The following PID1 variants were observed in gnomAD, a reference collection of about 807,000 sequenced individuals.
The protein encoded by PID1 is phosphotyrosine interaction domain containing 1, also known as PTB-containing, cubilin and LRP1-interacting protein.
Under a neutral mutation model 19.1 loss-of-function variants are expected in PID1, and 10 were observed. The observed-to-expected ratio is 0.52, with a 90% CI of 0.32 to 0.89. The LOEUF (loss-of-function observed/expected upper bound fraction) is 0.89, where lower values mean the gene tolerates loss of function less well. Ranked by LOEUF, PID1 falls within the 40% of genes least tolerant of loss-of-function variation. The pLI is 0.03. For missense variants in PID1, 248 were observed against 285.3 expected, an observed-to-expected ratio of 0.87 and a Z score of 0.94; for synonymous variants, 130 against 116.0, an observed-to-expected ratio of 1.12 and a Z score of -0.78.
At position 229,139,039 on chromosome 2, in the gene PID1, GAGAA is replaced by G. The variant is rs1158968559; in HGVS notation, c.177+16775_177+16778del. ...AGAAAGAAAGAAAGAAAGAAAGAAA[GAGAA>G]AGAAAGAAAGAAAGAGAAAGAAAGA... is the stretch of plus-strand genomic sequence containing the variant. On this transcript the variant is annotated intron_variant, in intron 2 of 2. Coordinates refer to ENST00000392055, the MANE Select transcript of PID1 (RefSeq NM_001100818.2). Among the ~76,000 whole-genome samples the G allele has an allele frequency of 6.9e-3, 332 of 48,328 alleles. 12 individuals carry two copies. The highest frequency in any genetic ancestry group is 0.011 in the Middle Eastern group (1 of 90). 31.7% of individuals were successfully genotyped at this position (48,328 alleles called of 152,430 possible). A position where few individuals can be genotyped will look rare whatever the true frequency, so the allele number is the denominator to read the frequency against.
intron 2 of PID1, among the ~76,000 whole-genome samples, chr2:229,145,182 T>TAG (rs1690103979): frequency 6.9e-6 from 1 of 144,968 alleles, no homozygotes; most frequent in Non-Finnish European, 1.5e-5. Context: ...TATATATATA[T>TAG]ATATATAAAC....
rs138208366 is a variant in PID1, at chr2:229,166,876, C to T, written c.31-10912G>A. 8.5e-4 allele frequency among the ~76,000 whole-genome samples: 129 copies of T among 151,098 alleles called. 2 individuals carry two copies. In the East Asian group the frequency reaches 0.022, roughly 26 times the overall value. Reference sequence around the variant, plus strand: ...AGCTCTCAACTTGGCCAACATTAGACAATTTCAGTAACAATAAATAATGGT... The same window carrying T: ...AGCTCTCAACTTGGCCAACATTAGATAATTTCAGTAACAATAAATAATGGT... On this transcript the variant is annotated intron_variant, in intron 1 of 2. Coordinates refer to ENST00000392055, the MANE Select transcript of PID1 (RefSeq NM_001100818.2).
intron 1 of PID1, among the ~76,000 whole-genome samples, chr2:229,221,772 A>C (rs1691974671): frequency 6.6e-6 from 1 of 152,206 alleles, no homozygotes; most frequent in Non-Finnish European, 1.5e-5. Context: ...CCTGACTCCC[A>C]GTAAACTCAA....
At chr2:229,073,601 C>A (rs765882383) in intron 2 of PID1, among the ~76,000 whole-genome samples, 1 of 152,118 alleles carries the variant, frequency 6.6e-6, no homozygotes, top group Non-Finnish European at 1.5e-5. Flanking sequence ...CCTAGTCTAA[C>A]TTGTAAATAT....
At chr2:229,215,837 C>A (rs1691835000) in intron 1 of PID1, among the ~76,000 whole-genome samples, 1 of 152,200 alleles carries the variant, frequency 6.6e-6, no homozygotes, top group Non-Finnish European at 1.5e-5. Flanking sequence ...TACCAACCAA[C>A]CTGTTCAAAT....
At chr2:229,205,243 CAT>C (rs1691584666) in intron 1 of PID1, among the ~76,000 whole-genome samples, 3 of 138,694 alleles carry the variant, frequency 2.2e-5, no homozygotes, top group African/African-American at 7.6e-5. Context: ...ATACATACTA[CAT>C]ACACACACAT....
intron 2 of PID1, among the ~76,000 whole-genome samples, chr2:229,147,277 C>T (rs546860206): frequency 1.3e-5 from 2 of 152,142 alleles, no homozygotes; most frequent in African/African-American, 4.8e-5. Flanking sequence ...AATGGAGTTT[C>T]CTATAAATTT....
At chr2:229,068,717 G>A (rs1488809148) in intron 2 of PID1, among the ~76,000 whole-genome samples, 1 of 152,200 alleles carries the variant, frequency 6.6e-6, no homozygotes, top group East Asian at 1.9e-4. Context: ...ATGTTCCATG[G>A]ACACAGGAAG....
intron 1 of PID1, chr2:229,245,139 C>A (rs1214677291): frequency 2.6e-5 from 4 of 152,056 alleles, no homozygotes; most frequent in Non-Finnish European, 5.9e-5. Context: ...CTTGACAACA[C>A]TCTTAAAAGC....
chr2:229,162,565 A>G (rs954191208), intron 1 of PID1, among the ~76,000 whole-genome samples: 2 of 152,228 alleles, frequency 1.3e-5, no homozygotes, highest in Admixed American at 6.5e-5. Flanking sequence ...TCGAGCTTCA[A>G]AAATATGGCA....
Position 229,025,759 on chromosome 2 carries a change from T to G in PID1, c.527A>C (p.Lys176Thr). ...CTCCATCATGGCGTGGGCCAGTTTC[T>G]TGGCCTCGAGCTTGCTCTCGCACTC... ...AVECESKLEA[K>T]KLAHAMMEAF... The change falls in exon 3 of 3, where the codon AAG becomes ACG. Residue 176 changes from lysine to threonine, a missense_variant. By Grantham distance (78) the Lys-to-Thr change is moderately conservative (BLOSUM62 -1). Coordinates refer to ENST00000392055, the MANE Select transcript of PID1 (RefSeq NM_001100818.2). The G allele has an allele frequency of 2.5e-6, 4 of 1,614,266 alleles. No homozygotes were observed. The highest frequency in any genetic ancestry group is 3.4e-6 in the Non-Finnish European group (4 of 1,180,040).
Position 229,090,685 on chromosome 2 carries a change from C to G in PID1, c.178-64577G>C, listed in dbSNP as rs145261442. Reference sequence around the variant, plus strand: ...AAATCCTAGTTGATTCATGAATGCTCTATTTCAGCAAACTAGGGATGCAAT... The same window carrying G: ...AAATCCTAGTTGATTCATGAATGCTGTATTTCAGCAAACTAGGGATGCAAT... On this transcript the variant is annotated intron_variant, in intron 2 of 2. Transcript: ENST00000392055. 7.0e-3 allele frequency among the ~76,000 whole-genome samples: 1,064 copies of G among 152,284 alleles called. 19 individuals are homozygous for G. Among genetic ancestry groups the G allele is most frequent in the African/African-American group, 0.025 (1,019 of 41,554 alleles).
At position 229,025,670 on chromosome 2, in the gene PID1, C is replaced by A. The variant is rs544315038; in HGVS notation, c.616G>T (p.Glu206Ter). The change falls in exon 3 of 3, where the codon GAA becomes TAA. Residue 206 changes from glutamate (E) to a stop codon, truncating the protein, a stop_gained. Transcript: ENST00000392055. LOFTEE classifies it high-confidence loss of function. ...DGRIHSNSSSEEVSQELESDD... is the reference protein window; with the variant it reads ...DGRIHSNSSS Reference sequence around the variant, plus strand: ...GATTCCAATTCCTGGGAAACCTCTTCGGAGGAGCTGTTGCTGTGGATCCGC... The same window carrying A: ...GATTCCAATTCCTGGGAAACCTCTTAGGAGGAGCTGTTGCTGTGGATCCGC... 6.2e-7 allele frequency: 1 copy of A among 1,613,326 alleles called. No homozygotes were observed. Among genetic ancestry groups the A allele is most frequent in the East Asian group, 2.2e-5 (1 of 44,820 alleles).
chr2:229,232,165 T>G, intron 1 of PID1: 2 of 1,424,040 alleles, frequency 1.4e-6, no homozygotes, highest in Non-Finnish European at 1.8e-6. Context: ...GGCTCACGCC[T>G]GTAATCCCAG....
chr2:229,101,128 C>G (rs1314522204), intron 2 of PID1, among the ~76,000 whole-genome samples: 1 of 152,172 alleles, frequency 6.6e-6, no homozygotes, highest in Non-Finnish European at 1.5e-5. Flanking sequence ...ACGGTGTGAA[C>G]ACAAGATTCC....
At chr2:229,149,342 AT>A (rs779381604) in intron 2 of PID1, among the ~76,000 whole-genome samples, 4 of 152,190 alleles carry the variant, frequency 2.6e-5, no homozygotes, top group Non-Finnish European at 4.4e-5. Context: ...GAACCCAAAG[AT>A]TTAGGTGTAG....
intron 2 of PID1, among the ~76,000 whole-genome samples, chr2:229,115,581 T>G (rs977734153): frequency 6.6e-6 from 1 of 152,198 alleles, no homozygotes; most frequent in African/African-American, 2.4e-5. Context: ...TCAAGTAGTA[T>G]TATTTCCTAA....
intron 1 of PID1, among the ~76,000 whole-genome samples, chr2:229,253,862 A>G (rs754473244): frequency 6.6e-6 from 1 of 152,340 alleles, no homozygotes; most frequent in East Asian, 1.9e-4. Context: ...GTTGCAAGCA[A>G]CAGACACCAA....
At chr2:229,059,311 A>T (rs1694164712) in intron 2 of PID1, among the ~76,000 whole-genome samples, 1 of 152,230 alleles carries the variant, frequency 6.6e-6, no homozygotes, top group African/African-American at 2.4e-5. Flanking sequence ...AATTCATGAA[A>T]AAAGAAAAAC....
Sources: allele counts gnomAD v4.1 joint callset (sites outside exome capture counted in the v4.1 genomes callset), GRCh38; gene constraint gnomAD v4.1.1; transcripts MANE v1.5; gene names NCBI Gene and HGNC (gene_info 2026-07-23, HGNC 2026-07-21).